HSPA12A: variants seen among roughly 807,000 people sequenced by gnomAD.
HSPA12A encodes the protein heat shock protein family A (Hsp70) member 12A.
HSPA12A carries 28 observed loss-of-function variants against 69.2 expected under a neutral mutation model. The observed-to-expected ratio is 0.40, with a 90% confidence interval of 0.30 to 0.55. The LOEUF (loss-of-function observed/expected upper bound fraction) is 0.55, where lower values mean the gene tolerates loss of function less well. Ranked by LOEUF, HSPA12A falls within the 20% of genes least tolerant of loss-of-function variation. The pLI is 0.38. For missense variants in HSPA12A, 686 were observed against 900.7 expected (o/e 0.76, Z 3.05); for synonymous variants, 345 against 370.5 (o/e 0.93, Z 0.79).
intron 2 of HSPA12A, among the ~76,000 whole-genome samples, chr10:116,826,443 C>T (rs1446037988): frequency 6.6e-6 from 1 of 152,138 alleles, no homozygotes; most frequent in East Asian, 1.9e-4. Flanking sequence ...CCAGAAACTA[C>T]AAGCAGATCC....
intron 6 of HSPA12A, among the ~76,000 whole-genome samples, chr10:116,692,111 C>CAGG (rs1458462489): frequency 6.6e-6 from 1 of 152,180 alleles, no homozygotes; most frequent in Non-Finnish European, 1.5e-5. Context: ...TGTAGAAAGC[C>CAGG]AGGAAGGAAA....
chr10:116,712,291 T>C (rs1554883199), intron 1 of HSPA12A, among the ~76,000 whole-genome samples: 1 of 152,146 alleles, frequency 6.6e-6, no homozygotes, highest in Admixed American at 6.5e-5. Context: ...CCCAACACAT[T>C]AAACAATTTT....
chr10:116,679,201 T>G (rs1258175616), intron 10 of HSPA12A, among the ~76,000 whole-genome samples: 8 of 152,222 alleles, frequency 5.3e-5, no homozygotes, highest in Non-Finnish European at 1.0e-4. Context: ...CTTCGCTGCT[T>G]TCATAGTTCC....
intron 2 of HSPA12A, among the ~76,000 whole-genome samples, chr10:116,789,390 C>T (rs913146861): frequency 1.3e-5 from 2 of 151,956 alleles, no homozygotes; most frequent in Non-Finnish European, 2.9e-5. Context: ...TTGAAGGATA[C>T]TCCAGAAACT....
intron 2 of HSPA12A, among the ~76,000 whole-genome samples, chr10:116,804,333 G>A (rs556615759): frequency 2.0e-5 from 3 of 152,302 alleles, no homozygotes; most frequent in Middle Eastern, 6.8e-3. Context: ...TGGGTCCGCC[G>A]TGAAGTTGTA....
At chr10:116,764,146 C>T (rs1410786687) in intron 2 of HSPA12A, among the ~76,000 whole-genome samples, 2 of 152,156 alleles carry the variant, frequency 1.3e-5, no homozygotes, top group African/African-American at 4.8e-5. Context: ...TTCCTTCTAA[C>T]TCACTATGGA....
chr10:116,714,974 A>G (rs1554883611), intron 1 of HSPA12A, among the ~76,000 whole-genome samples: 1 of 152,248 alleles, frequency 6.6e-6, no homozygotes, highest in African/African-American at 2.4e-5. Context: ...CCCCCGGTGC[A>G]GATGAGAGAA....
At chr10:116,745,637 A>G (rs1851631479), upstream of HSPA12A, among the ~76,000 whole-genome samples, 1 of 152,080 alleles carries the variant, frequency 6.6e-6, no homozygotes, top group Non-Finnish European at 1.5e-5. Flanking sequence ...GCCTGCCCTC[A>G]GGTCCCCAAA....
intron 1 of HSPA12A, among the ~76,000 whole-genome samples, chr10:116,741,183 T>C (rs1267025308): frequency 6.6e-6 from 1 of 151,850 alleles, no homozygotes; most frequent in African/African-American, 2.4e-5. Flanking sequence ...ACCACTGCAG[T>C]GCCGCGTGGG....
intron 2 of HSPA12A, among the ~76,000 whole-genome samples, chr10:116,807,189 G>C (rs535357863): frequency 2.6e-5 from 4 of 151,988 alleles, no homozygotes; most frequent in Admixed American, 1.3e-4. Context: ...TTGACTTCTC[G>C]GTGGGCTCAG....
At chr10:116,758,961 T>C (rs1843912813) in intron 2 of HSPA12A, among the ~76,000 whole-genome samples, 1 of 152,096 alleles carries the variant, frequency 6.6e-6, no homozygotes. Context: ...ACTTTAAAGG[T>C]GATGTTGATG....
chr10:116,781,673 C>A (rs1410582911), intron 2 of HSPA12A, among the ~76,000 whole-genome samples: 1 of 152,134 alleles, frequency 6.6e-6, no homozygotes, highest in Non-Finnish European at 1.5e-5. Context: ...TCAAAGCACT[C>A]GGCCTCTCTC....
At chr10:116,763,730 G>T (rs1197139238) in intron 2 of HSPA12A, among the ~76,000 whole-genome samples, 1 of 152,148 alleles carries the variant, frequency 6.6e-6, no homozygotes, top group Non-Finnish European at 1.5e-5. Context: ...GGACTAGGAG[G>T]TTTTTTTGGG....
chr10:116,765,983 G>C (rs1844068789), intron 2 of HSPA12A, among the ~76,000 whole-genome samples: 1 of 152,168 alleles, frequency 6.6e-6, no homozygotes, highest in Non-Finnish European at 1.5e-5. Flanking sequence ...GCAGCCGCTT[G>C]TGGCTCCAAC....
intron 2 of HSPA12A, among the ~76,000 whole-genome samples, chr10:116,771,007 T>C (rs1395252214): frequency 6.9e-6 from 1 of 144,848 alleles, no homozygotes; most frequent in East Asian, 2.1e-4. Context: ...CTGTGGGCTG[T>C]GTGTGCTGGG....
At chr10:116,839,761 T>C (rs891483756) in intron 1 of HSPA12A, among the ~76,000 whole-genome samples, 1 of 152,124 alleles carries the variant, frequency 6.6e-6, no homozygotes, top group African/African-American at 2.4e-5. Flanking sequence ...CATATGATCA[T>C]AAACATAGTA....
chr10:116,764,955 G>A (rs1554889616), intron 2 of HSPA12A, among the ~76,000 whole-genome samples: 1 of 152,212 alleles, frequency 6.6e-6, no homozygotes, highest in East Asian at 1.9e-4. Flanking sequence ...GTTGGGGATA[G>A]AAGTATTGGT....
At chr10:116,741,094 G>A (rs1161164055) in intron 1 of HSPA12A, among the ~76,000 whole-genome samples, 3 of 152,130 alleles carry the variant, frequency 2.0e-5, no homozygotes, top group African/African-American at 7.2e-5. Context: ...TGTGTGTTTG[G>A]GGACGGCCTG....
intron 1 of HSPA12A, among the ~76,000 whole-genome samples, chr10:116,717,333 C>A (rs952284012): frequency 6.6e-6 from 1 of 152,186 alleles, no homozygotes; most frequent in African/African-American, 2.4e-5. Flanking sequence ...ATTTCACAGA[C>A]GAGCAAATAG....
Sources: allele counts gnomAD v4.1 joint callset (sites outside exome capture counted in the v4.1 genomes callset), GRCh38; gene constraint gnomAD v4.1.1; transcripts MANE v1.5; gene names NCBI Gene and HGNC (gene_info 2026-07-23, HGNC 2026-07-21).